The following SGIP1 variants were observed in gnomAD, a reference collection of about 807,000 sequenced individuals.
SGIP1 encodes SH3-containing GRB2-like protein 3-interacting protein 1.
In SGIP1, 38 loss-of-function variants were observed where a neutral mutation model predicts 107.5. The observed-to-expected ratio is 0.35, with a 90% CI of 0.27 to 0.46. The LOEUF (loss-of-function observed/expected upper bound fraction) is 0.46, where lower values mean the gene tolerates loss of function less well. Ranked by LOEUF, SGIP1 falls within the 20% of genes least tolerant of loss-of-function variation. SGIP1 has a pLI of 1.00. For missense variants in SGIP1, 929 were observed against 1,019.5 expected, an observed-to-expected ratio of 0.91 and a Z score of 1.21; for synonymous variants, 365 against 366.1, an observed-to-expected ratio of 1.00 and a Z score of 0.03.
At chr1:66,601,536 A>T (rs889280302) in intron 1 of SGIP1, among the ~76,000 whole-genome samples, 67 of 151,458 alleles carry the variant, frequency 4.4e-4, no homozygotes, top group African/African-American at 1.4e-3. Flanking sequence ...TGTGTGTGAG[A>T]GAGAGAGAGA....
intron 18 of SGIP1, among the ~76,000 whole-genome samples, chr1:66,703,594 TATG>T (rs773712279): frequency 1.6e-4 from 25 of 151,516 alleles, no homozygotes; most frequent in Admixed American, 2.6e-4. Flanking sequence ...ATATATATGA[TATG>T]ATATGTATCA....
chr1:66,585,005 A>C (rs775518596), intron 1 of SGIP1, among the ~76,000 whole-genome samples: 6 of 152,218 alleles, frequency 3.9e-5, no homozygotes, highest in Admixed American at 6.5e-5. Flanking sequence ...TTTCCCTTGA[A>C]CTGAATTCAG....
In SGIP1 at chr1:66,541,704, C is replaced by T. The variant is rs370810824; in HGVS notation, c.10+7336C>T. ...TTTTTGAAAGCTTGTGTGGAGTTAC[C>T]TGTGTTTCTTCTCTTTAACAAACAA... On this transcript the variant is annotated intron_variant, in intron 1 of 24. Coordinates refer to ENST00000371037, the MANE Select transcript of SGIP1 (RefSeq NM_032291.4). 7.2e-5 allele frequency among the ~76,000 whole-genome samples: 11 copies of T among 152,254 alleles called. No individual in the cohort carries two copies. In the East Asian group the frequency reaches 1.9e-3, roughly 27 times the overall value.
rs907333437 is a variant in SGIP1, at chr1:66,747,894, T to A, written c.*4799T>A. On this transcript the variant is annotated 3_prime_UTR_variant, in exon 25 of 25. Transcript: ENST00000371037. ...ATGGTTTTCTGATCAGCAATTTTTT[T>A]AAAAAATGGAAGTGTTACATTATAT... is the stretch of plus-strand genomic sequence containing the variant. The A allele has an allele frequency of 2.6e-5, 4 of 152,102 alleles. No individual in the cohort carries two copies. The highest frequency in any genetic ancestry group is 4.4e-5 in the Non-Finnish European group (3 of 67,864). 9.4% of individuals were successfully genotyped at this position (152,102 alleles called of 1,614,324 possible). A position where few individuals can be genotyped will look rare whatever the true frequency, so the allele number is the denominator to read the frequency against.
upstream of SGIP1, among the ~76,000 whole-genome samples, chr1:66,533,990 G>A (rs1465250774): frequency 1.3e-5 from 2 of 151,804 alleles, no homozygotes; most frequent in African/African-American, 4.8e-5. Flanking sequence ...GGGGGTGGAG[G>A]GGAATGGGGA....
intron 1 of SGIP1, among the ~76,000 whole-genome samples, chr1:66,572,991 A>G (rs2060585573): frequency 2.6e-5 from 4 of 152,086 alleles, no homozygotes; most frequent in Admixed American, 1.3e-4. Context: ...CTTATAGTAA[A>G]TGTCCAGAAT....
chr1:66,689,396 G>A, intron 16 of SGIP1, 121 bp downstream of exon 16: 1 of 1,277,790 alleles, frequency 7.8e-7, no homozygotes, highest in Non-Finnish European at 1.1e-6. Flanking sequence ...GGTGGCATCT[G>A]AAAGACAGTC....
chr1:66,656,987 G>A (rs896103808), intron 7 of SGIP1, among the ~76,000 whole-genome samples: 1 of 151,786 alleles, frequency 6.6e-6, no homozygotes, highest in African/African-American at 2.4e-5. Flanking sequence ...GAGCAACATA[G>A]CGAGACCCCG....
intron 7 of SGIP1, chr1:66,660,297 A>C: frequency 3.5e-6 from 2 of 566,224 alleles, no homozygotes; most frequent in Non-Finnish European, 6.2e-6. Flanking sequence ...TCAGATGCCC[A>C]GATGAAGTCC....
At chr1:66,645,229 G>A (rs1329333757) in intron 7 of SGIP1, among the ~76,000 whole-genome samples, 1 of 152,180 alleles carries the variant, frequency 6.6e-6, no homozygotes, top group African/African-American at 2.4e-5. Flanking sequence ...GAAAGCAAAT[G>A]TACCGGCACA....
At chr1:66,595,659 C>T (rs748471580) in intron 1 of SGIP1, among the ~76,000 whole-genome samples, 6 of 152,094 alleles carry the variant, frequency 3.9e-5, no homozygotes, top group Non-Finnish European at 5.9e-5. Context: ...GCTTTTCTGA[C>T]CTTTTCATAA....
chr1:66,619,567 A>G (rs1286553355), intron 1 of SGIP1, among the ~76,000 whole-genome samples: 1 of 152,196 alleles, frequency 6.6e-6, no homozygotes, highest in Non-Finnish European at 1.5e-5. Context: ...ATGTCTGCTA[A>G]GATGCTGATA....
intron 20 of SGIP1, among the ~76,000 whole-genome samples, chr1:66,729,620 T>C (rs1415410606): frequency 2.0e-5 from 3 of 152,186 alleles, no homozygotes; most frequent in Non-Finnish European, 4.4e-5. Context: ...TGACTGCATA[T>C]GCATATACGT....
intron 22 of SGIP1, 83 bp from the exon 23 acceptor site, chr1:66,740,575 A>C: frequency 1.2e-6 from 1 of 828,566 alleles, no homozygotes; most frequent in Non-Finnish European, 2.0e-6. Flanking sequence ...TTAAAAAATT[A>C]ATACTATCTG....
intron 1 of SGIP1, among the ~76,000 whole-genome samples, chr1:66,589,273 T>A (rs2063228803): frequency 7.1e-6 from 1 of 140,800 alleles, no homozygotes; most frequent in Admixed American, 7.2e-5. Context: ...ATGACTTAAA[T>A]GGAAAAAGAA....
intron 18 of SGIP1, among the ~76,000 whole-genome samples, chr1:66,698,992 T>C (rs1294860500): frequency 6.6e-6 from 1 of 151,906 alleles, no homozygotes; most frequent in African/African-American, 2.4e-5. Flanking sequence ...TCTACTCATA[T>C]AGCCTCTTAC....
intron 24 of SGIP1, among the ~76,000 whole-genome samples, chr1:66,742,460 C>CTTTTTTTTTTTTTT (rs764080079): frequency 0.034 from 1,532 of 45,090 alleles, 513 homozygotes; most frequent in Non-Finnish European, 0.046. Context: ...AGCACCCTTT[C>CTTTTTTTTTTTTTT]TTTTTTTTTT....
intron 1 of SGIP1, among the ~76,000 whole-genome samples, chr1:66,573,435 T>C (rs1472991109): frequency 2.0e-5 from 3 of 152,120 alleles, no homozygotes; most frequent in Non-Finnish European, 4.4e-5. Flanking sequence ...TATAAATTAT[T>C]CTATCAGAAC....
chr1:66,714,149 G>T (rs2093091032), intron 18 of SGIP1, among the ~76,000 whole-genome samples: 1 of 152,012 alleles, frequency 6.6e-6, no homozygotes, highest in South Asian at 2.1e-4. Flanking sequence ...CTTCACAAAT[G>T]CTATCCTACT....
Sources: allele counts gnomAD v4.1 joint callset (sites outside exome capture counted in the v4.1 genomes callset), GRCh38; gene constraint gnomAD v4.1.1; transcripts MANE v1.5; gene names NCBI Gene and HGNC (gene_info 2026-07-23, HGNC 2026-07-21).